CCDC180: variants seen among roughly 807,000 people sequenced by gnomAD.
The protein encoded by CCDC180 is coiled-coil domain containing 180.
CCDC180 carries 154 observed loss-of-function variants against 209.2 expected under a neutral mutation model. The ratio of observed to expected loss-of-function variants is 0.74; its 90% CI spans 0.65 to 0.84. The LOEUF (loss-of-function observed/expected upper bound fraction) is 0.84, where lower values mean the gene tolerates loss of function less well. CCDC180 is among the 40% of genes least tolerant of loss of function. CCDC180 has a pLI of 0.00. For missense variants in CCDC180, 1,874 were observed against 1,997.3 expected, an observed-to-expected ratio of 0.94 and a Z score of 1.18; for synonymous variants, 778 against 749.1, an observed-to-expected ratio of 1.04 and a Z score of -0.63.
At chr9:97,356,002 C>T (rs945625405) in intron 24 of CCDC180, among the ~76,000 whole-genome samples, 3 of 152,060 alleles carry the variant, frequency 2.0e-5, no homozygotes, top group African/African-American at 7.2e-5. Flanking sequence ...GTGCTCAGGG[C>T]TGCACTTCGA....
At chr9:97,323,681 TC>T in intron 12 of CCDC180, 99 bp from the exon 13 acceptor site, 1 of 1,356,348 alleles carries the variant, frequency 7.4e-7, no homozygotes. Flanking sequence ...CACCTGGAGC[TC>T]AGGTCTGACT....
At chr9:97,350,271 T>A in intron 21 of CCDC180, 138 bp from the exon 22 acceptor site, 1 of 778,774 alleles carries the variant, frequency 1.3e-6, no homozygotes. Flanking sequence ...CACCTGTCCC[T>A]CCTGTGTCCC....
At chr9:97,327,911 C>CCA in intron 15 of CCDC180, 109 bp from the exon 16 acceptor site, 1 of 1,186,418 alleles carries the variant, frequency 8.4e-7, no homozygotes, top group Non-Finnish European at 1.2e-6. Context: ...AAAAGAGCAG[C>CCA]CACACAGCAG....
intron 8 of CCDC180, among the ~76,000 whole-genome samples, chr9:97,315,424 T>A (rs1833136363): frequency 6.6e-6 from 1 of 152,196 alleles, no homozygotes; most frequent in South Asian, 2.1e-4. Context: ...CTGTGCCCAT[T>A]GCTGAGCCTG....
chr9:97,332,186 A>G (rs1020681404), intron 18 of CCDC180, among the ~76,000 whole-genome samples: 1 of 152,036 alleles, frequency 6.6e-6, no homozygotes. Flanking sequence ...TTTGTTGAAG[A>G]TCAGATGGTT....
At chr9:97,313,086 T>G in intron 4 of CCDC180, 150 bp from the exon 5 acceptor site, 1 of 551,906 alleles carries the variant, frequency 1.8e-6, no homozygotes, top group Non-Finnish European at 3.3e-6. Context: ...ACTGTCATCT[T>G]TTCTCTTTTT....
At chr9:97,360,649 C>T (rs1010826087) in intron 26 of CCDC180, among the ~76,000 whole-genome samples, 1 of 152,184 alleles carries the variant, frequency 6.6e-6, no homozygotes, top group Non-Finnish European at 1.5e-5. Context: ...GTCCTCCATG[C>T]CTCTTCATCC....
At chr9:97,356,304 C>T (rs1473846237) in intron 24 of CCDC180, among the ~76,000 whole-genome samples, 1 of 152,160 alleles carries the variant, frequency 6.6e-6, no homozygotes, top group Non-Finnish European at 1.5e-5. Flanking sequence ...GTGGCAAGTG[C>T]AGTTCGATAA....
intron 18 of CCDC180, among the ~76,000 whole-genome samples, chr9:97,338,662 T>C (rs1587809112): frequency 6.6e-6 from 1 of 152,230 alleles, no homozygotes; most frequent in East Asian, 1.9e-4. Flanking sequence ...GAGAGTTCTG[T>C]AGATGTCTAT....
Position 97,318,475 on chromosome 9 carries a change from C to G in CCDC180, c.972C>G (p.Ala324=). 6.2e-7 allele frequency: 1 copy of G among 1,613,636 alleles called. No homozygotes were observed. The highest frequency in any genetic ancestry group is 8.5e-7 in the Non-Finnish European group (1 of 1,179,866). ...GTCTGGCCACCAGTGAGTTCATGGC[C>G]AGTGAGAGTATCCATACTCCCCCGG... is the stretch of plus-strand genomic sequence containing the variant. ...ALLQSFSEFM[A]SESIHTPPAV... The change falls in exon 10 of 37, where the codon GCC becomes GCG. Residue 324 remains alanine (A), a synonymous_variant. Transcript: ENST00000529487.
intron 18 of CCDC180, among the ~76,000 whole-genome samples, chr9:97,342,245 C>T (rs1298610962): frequency 6.6e-6 from 1 of 152,216 alleles, no homozygotes; most frequent in Non-Finnish European, 1.5e-5. Context: ...AAAAATCACC[C>T]ATCTTCTGCG....
chr9:97,320,875 C>T lies in CCDC180; in HGVS notation c.1159+670C>T, dbSNP rs1219947842. 2.6e-5 allele frequency among the ~76,000 whole-genome samples: 4 copies of T among 152,126 alleles called. No individual in the cohort carries two copies. In the East Asian group the frequency reaches 5.8e-4, roughly 22 times the overall value. On this transcript the variant is annotated intron_variant, in intron 11 of 36. Transcript: ENST00000529487. ...ATGGCAGAGATGAAAGCAGATAGCC[C>T]CTGACTTAGGATGGTTCAACTTGGG...
intron 5 of CCDC180, among the ~76,000 whole-genome samples, chr9:97,313,914 G>A (rs1833070724): frequency 6.6e-6 from 1 of 152,138 alleles, no homozygotes; most frequent in Non-Finnish European, 1.5e-5. Context: ...TCTGACCTGT[G>A]TTGTCCTGCC....
chr9:97,347,068 T>C (rs1826279426), intron 19 of CCDC180, among the ~76,000 whole-genome samples: 1 of 152,246 alleles, frequency 6.6e-6, no homozygotes, highest in African/African-American at 2.4e-5. Flanking sequence ...TTTTAACCTT[T>C]GATTCAGCAA....
Position 97,334,258 on chromosome 9 carries a change from G to A in CCDC180, c.2274+3491G>A, listed in dbSNP as rs76823514. Among the ~76,000 whole-genome samples, 910 of 152,104 alleles carry A rather than the reference G, an allele frequency of 6.0e-3. 14 individuals are homozygous for A. Among genetic ancestry groups the A allele is most frequent in the Non-Finnish European group, 5.5e-3 (371 of 67,984 alleles). Reference sequence around the variant, plus strand: ...AGCTGGGACTCTTTTTATATTATACGACTTAGCCCTAGGGAGCCGTTATTA... The same window carrying A: ...AGCTGGGACTCTTTTTATATTATACAACTTAGCCCTAGGGAGCCGTTATTA... On this transcript the variant is annotated intron_variant, in intron 18 of 36. Transcript: ENST00000529487.
chr9:97,366,522 G>A lies in CCDC180; in HGVS notation c.4048-37G>A. 1 of 1,607,386 alleles carries A rather than the reference G, an allele frequency of 6.2e-7. No homozygotes were observed. The highest frequency in any genetic ancestry group is 8.5e-7 in the Non-Finnish European group (1 of 1,176,572). ...CCAGGAGCAAGGGCCAGAGTCCCAT[G>A]GAGTCCTCACCCGCACATGGTCACC... On this transcript the variant is annotated intron_variant, in intron 30 of 36. Transcript: ENST00000529487. The surrounding 1 kb of genome is among the most constrained non-coding windows in gnomAD (Gnocchi z 4.3).
Position 97,350,560 on chromosome 9 carries a change from G to A in CCDC180, c.3002+5G>A. The A allele has an allele frequency of 6.5e-7, 1 of 1,536,332 alleles. No individual in the cohort carries two copies. The highest frequency in any genetic ancestry group is 8.7e-7 in the Non-Finnish European group (1 of 1,146,950). On this transcript the variant is annotated splice_donor_5th_base_variant and intron_variant, in intron 22 of 36. Coordinates refer to ENST00000529487, the MANE Select transcript of CCDC180 (RefSeq NM_020893.6). ...TGAGTTCATCAAACACTGCAGGTGG[G>A]AGCCAGTGTCCAGGGCCTCTTCAGG...
intron 22 of CCDC180, among the ~76,000 whole-genome samples, chr9:97,352,943 A>G (rs1346285442): frequency 6.8e-6 from 1 of 147,706 alleles, no homozygotes; most frequent in Admixed American, 6.7e-5. Context: ...ACATATACGT[A>G]TGTATATATA....
chr9:97,376,669 A>T, intron 36 of CCDC180, 94 bp from the exon 37 acceptor site: 1 of 1,422,690 alleles, frequency 7.0e-7, no homozygotes, highest in East Asian at 2.4e-5. Context: ...GGAATGGGTT[A>T]AAAACCACCT....
Sources: allele counts gnomAD v4.1 joint callset (sites outside exome capture counted in the v4.1 genomes callset), GRCh38; gene constraint gnomAD v4.1.1; non-coding constraint Gnocchi (gnomAD v3.1); transcripts MANE v1.5; gene names NCBI Gene and HGNC (gene_info 2026-07-23, HGNC 2026-07-21).